CADM2: variants seen among roughly 807,000 people sequenced by gnomAD.
CADM2 encodes the protein immunoglobulin superfamily member 4D.
In CADM2, 12 loss-of-function variants were observed where a neutral mutation model predicts 49.8. That is an observed-to-expected ratio of 0.24 (90% CI 0.15 to 0.39). The LOEUF is 0.39. Among genes scored for constraint, CADM2 ranks in the 10% least tolerant of loss-of-function variants. CADM2 has a pLI of 1.00. For missense variants in CADM2, 378 were observed against 492.3 expected, an observed-to-expected ratio of 0.77 and a Z score of 2.20; for synonymous variants, 214 against 175.4, an observed-to-expected ratio of 1.22 and a Z score of -1.74.
Position 85,481,813 on chromosome 3 carries a change from G to GT in CADM2, c.62-244697dup, listed in dbSNP as rs62677260. ...GATATTCAAAAGAACTTCATTCTTGGTTTTTTTTTTTTCCTTTCTTACTCT... is the reference window on the plus strand; with the variant it reads ...GATATTCAAAAGAACTTCATTCTTGGTTTTTTTTTTTTTCCTTTCTTACTCT... On this transcript the variant is annotated intron_variant, in intron 1 of 9. Transcript: ENST00000383699. Among the ~76,000 whole-genome samples the GT allele has an allele frequency of 1.5e-3, 214 of 143,438 alleles. No individual in the cohort carries two copies. The South Asian group carries it at 0.02, about 13-fold the overall frequency. The allele number at this position is 143,438 out of a possible 152,430, so 94.1% of individuals were successfully genotyped here. A position where few individuals can be genotyped will look rare whatever the true frequency, so the allele number is the denominator to read the frequency against.
At chr3:86,049,846 C>T (rs548470620) in intron 8 of CADM2, among the ~76,000 whole-genome samples, 10 of 152,256 alleles carry the variant, frequency 6.6e-5, no homozygotes, top group African/African-American at 9.6e-5. Flanking sequence ...CTAATCACCT[C>T]GCATCATGCC....
intron 1 of CADM2, among the ~76,000 whole-genome samples, chr3:85,714,025 C>G (rs373876661): frequency 4.6e-5 from 7 of 152,162 alleles, no homozygotes; most frequent in Non-Finnish European, 8.8e-5. Flanking sequence ...TGGGGAGATT[C>G]ACTAGAGGCC....
intron 1 of CADM2, among the ~76,000 whole-genome samples, chr3:85,256,269 T>A (rs1278111659): frequency 1.3e-5 from 2 of 152,060 alleles, no homozygotes; most frequent in Non-Finnish European, 2.9e-5. Flanking sequence ...TTTATACCAA[T>A]GTTGCTGCCA....
chr3:85,293,165 C>T lies in CADM2; in HGVS notation c.61+333497C>T, dbSNP rs1464184511. Among the ~76,000 whole-genome samples, 45 of 152,176 alleles carry T rather than the reference C, an allele frequency of 3.0e-4. No individual in the cohort carries two copies. In the South Asian group the frequency reaches 3.9e-3, roughly 13 times the overall value. The stretch of plus-strand genomic sequence containing the variant: ...TCAGAGAATACTACAAACACCTCTA[C>T]GCAAATAAACTGGAAAATCTAGAAG... On this transcript the variant is annotated intron_variant, in intron 1 of 9. Transcript: ENST00000383699.
chr3:85,693,580 A>AAG (rs1553664978), intron 1 of CADM2, among the ~76,000 whole-genome samples: 3 of 147,538 alleles, frequency 2.0e-5, no homozygotes, highest in Non-Finnish European at 4.5e-5. Flanking sequence ...AAAAAAAAAA[A>AAG]AAAAGAAAAG....
chr3:85,856,661 T>A (rs7611978), intron 3 of CADM2, among the ~76,000 whole-genome samples: 11,192 of 152,244 alleles, frequency 0.074, 597 homozygotes, highest in East Asian at 0.19. Context: ...AATGATCTAA[T>A]TTAGAGTTTG....
chr3:86,033,416 A>G (rs1259297705), intron 8 of CADM2, among the ~76,000 whole-genome samples: 1 of 151,662 alleles, frequency 6.6e-6, no homozygotes, highest in Non-Finnish European at 1.5e-5. Context: ...ATTTCCTCTC[A>G]ATTGTTGGAT....
intron 1 of CADM2, among the ~76,000 whole-genome samples, chr3:85,005,995 C>A (rs1559612963): frequency 1.3e-5 from 2 of 152,078 alleles, no homozygotes; most frequent in Non-Finnish European, 2.9e-5. Flanking sequence ...AGAATGCTCT[C>A]CTACTACTAT....
chr3:85,133,854 G>A (rs578117490), intron 1 of CADM2, among the ~76,000 whole-genome samples: 2 of 152,224 alleles, frequency 1.3e-5, no homozygotes, highest in Non-Finnish European at 2.9e-5. Flanking sequence ...CCCGCGCCGT[G>A]CGCCCGCGCT....
At chr3:85,481,413 G>GC (rs2039205563) in intron 1 of CADM2, among the ~76,000 whole-genome samples, 2 of 151,586 alleles carry the variant, frequency 1.3e-5, no homozygotes, top group African/African-American at 4.8e-5. Flanking sequence ...CCGCTTCCAT[G>GC]AATGCTACAG....
rs1394813964 is a variant in CADM2 at position 86,071,771 on chromosome 3, A to G, written c.*4988A>G. On this transcript the variant is annotated 3_prime_UTR_variant, in exon 10 of 10. Transcript: ENST00000383699. ...TCTATCATTAGCTTTTCCTAAAGGC[A>G]AAATATTATAACTTTATAAGAATAG... The G allele has an allele frequency of 4.6e-5, 7 of 152,108 alleles. No individual in the cohort carries two copies. The South Asian group carries it at 1.0e-3, about 23-fold the overall frequency. 9.4% of individuals were successfully genotyped at this position (152,108 alleles called of 1,614,324 possible).
At chr3:84,961,579 A>C (rs916150617) in intron 1 of CADM2, among the ~76,000 whole-genome samples, 2 of 151,084 alleles carry the variant, frequency 1.3e-5, no homozygotes, top group Admixed American at 6.6e-5. Context: ...ACCCTACTTC[A>C]CCTCTCAGTA....
intron 1 of CADM2, among the ~76,000 whole-genome samples, chr3:85,430,672 A>G (rs2036620347): frequency 7.1e-6 from 1 of 140,762 alleles, no homozygotes; most frequent in Non-Finnish European, 1.6e-5. Flanking sequence ...AAAGAGGAGA[A>G]AGACAGAGAA....
intron 2 of CADM2, among the ~76,000 whole-genome samples, chr3:85,738,739 C>T (rs909088380): frequency 6.6e-6 from 1 of 152,032 alleles, no homozygotes; most frequent in Non-Finnish European, 1.5e-5. Context: ...CAGGAGATTT[C>T]TTAAAACAAA....
intron 3 of CADM2, among the ~76,000 whole-genome samples, chr3:85,871,410 G>A (rs936389807): frequency 6.6e-6 from 1 of 151,960 alleles, no homozygotes; most frequent in Non-Finnish European, 1.5e-5. Context: ...TTGAATATGA[G>A]GATTAGTAAT....
At chr3:84,962,305 G>A (rs753142516) in intron 1 of CADM2, among the ~76,000 whole-genome samples, 1 of 151,436 alleles carries the variant, frequency 6.6e-6, no homozygotes, top group African/African-American at 2.4e-5. Context: ...AGAGGAGGGG[G>A]CACAAAGCAC....
chr3:85,829,346 A>G (rs928166264), intron 3 of CADM2, among the ~76,000 whole-genome samples: 2 of 151,818 alleles, frequency 1.3e-5, no homozygotes, highest in Admixed American at 1.3e-4. Context: ...AGAGTGAGAT[A>G]TTTTGATACC....
intron 1 of CADM2, among the ~76,000 whole-genome samples, chr3:85,076,449 G>T (rs1435268689): frequency 6.6e-6 from 1 of 151,828 alleles, no homozygotes; most frequent in African/African-American, 2.4e-5. Flanking sequence ...CAGAGTTGAA[G>T]CCATTCTCCT....
At chr3:85,337,506 T>C (rs12497411) in intron 1 of CADM2, among the ~76,000 whole-genome samples, 11,022 of 151,320 alleles carry the variant, frequency 0.073, 734 homozygotes, top group African/African-American at 0.18. Context: ...AGGGCATAAC[T>C]TAGTTACCCT....
Sources: allele counts gnomAD v4.1 joint callset (sites outside exome capture counted in the v4.1 genomes callset), GRCh38; gene constraint gnomAD v4.1.1; transcripts MANE v1.5; gene names NCBI Gene and HGNC (gene_info 2026-07-23, HGNC 2026-07-21).